Variants in MYH11 observed in about 807,000 individuals in gnomAD.
MYH11 encodes myosin heavy chain 11, also known as myosin-11.
A neutral mutation model predicts 246.6 loss-of-function variants in MYH11; 80 were observed. That is an observed-to-expected ratio of 0.32 (90% CI 0.27 to 0.39). The LOEUF (loss-of-function observed/expected upper bound fraction) is 0.39. MYH11 is among the 10% of genes least tolerant of loss of function. The probability of loss-of-function intolerance (pLI) is 1.00; values close to 1 mark genes in which losing one functional copy is unlikely to be tolerated. For missense variants in MYH11, 2,158 were observed against 2,546.8 expected (o/e 0.85, Z 3.29); for synonymous variants, 1,071 against 1,015.5 (o/e 1.05, Z -1.04).
chr16:15,787,118 A>T (rs1260852297), intron 4 of MYH11, among the ~76,000 whole-genome samples: 3 of 151,634 alleles, frequency 2.0e-5, no homozygotes, highest in Non-Finnish European at 4.4e-5. Flanking sequence ...AAAAAGATTT[A>T]AAAATTAGCC....
At chr16:15,749,171 A>G (rs1182355137) in intron 16 of MYH11, 1 of 141,380 alleles carries the variant, frequency 7.1e-6, no homozygotes, top group Non-Finnish European at 1.5e-5. Flanking sequence ...TTTTTTTAAG[A>G]TGGAGTCTCG....
rs200289373 is a variant in MYH11, at chr16:15,737,460, C to A, written c.3282G>T (p.Ala1094=). The change falls in exon 25 of 41, where the codon GCG becomes GCT. Residue 1094 remains alanine (A), a synonymous_variant. Coordinates refer to ENST00000300036, the MANE Select transcript of MYH11 (RefSeq NM_002474.3). ...QLAKKEEELQ[A]ALARLDDEIA... ...GCCAGCCCCGCTACCTGGCCAGGGC[C>A]GCCTGCAGCTCCTCCTCCTTCTTGG... 2 of 1,612,858 alleles carry A rather than the reference C, an allele frequency of 1.2e-6. No homozygotes were observed. The highest frequency in any genetic ancestry group is 1.7e-6 in the Non-Finnish European group (2 of 1,180,030).
chr16:15,705,983 T>TAAAAAAAAAA (rs1487522901), intron 40 of MYH11, among the ~76,000 whole-genome samples: 1 of 8,908 alleles, frequency 1.1e-4, no homozygotes, highest in Admixed American at 1.2e-3. Flanking sequence ...AGACTCCGTC[T>TAAAAAAAAAA]CAAAAAAAAA....
chr16:15,845,093 G>A (rs192479188), intron 1 of MYH11, among the ~76,000 whole-genome samples: 9 of 152,196 alleles, frequency 5.9e-5, no homozygotes, highest in Admixed American at 3.3e-4. Flanking sequence ...GGTGACTTAC[G>A]TAGATCTGAG....
chr16:15,817,526 G>A (rs548437951), intron 3 of MYH11, among the ~76,000 whole-genome samples: 2 of 151,980 alleles, frequency 1.3e-5, no homozygotes, highest in Non-Finnish European at 2.9e-5. Flanking sequence ...AAAAGGGGGG[G>A]AGAATTTAAA....
intron 3 of MYH11, among the ~76,000 whole-genome samples, chr16:15,818,204 T>G (rs1430772609): frequency 1.3e-5 from 2 of 152,210 alleles, no homozygotes; most frequent in Non-Finnish European, 2.9e-5. Flanking sequence ...AAGCCACATG[T>G]GCTAGCTTTC....
chr16:15,847,469 G>A (rs2044224956), intron 1 of MYH11, among the ~76,000 whole-genome samples: 1 of 152,014 alleles, frequency 6.6e-6, no homozygotes, highest in South Asian at 2.1e-4. Flanking sequence ...CCAGGCTGAG[G>A]TCTTGAACTC....
chr16:15,756,634 C>G (rs1375508202), intron 13 of MYH11, 120 bp from the exon 14 acceptor site: 2 of 1,041,568 alleles, frequency 1.9e-6, no homozygotes, highest in African/African-American at 1.6e-5. Context: ...TGTATTTGCC[C>G]ACATATAAAG....
intron 4 of MYH11, among the ~76,000 whole-genome samples, chr16:15,794,658 G>A (rs967806365): frequency 6.6e-6 from 1 of 152,204 alleles, no homozygotes; most frequent in African/African-American, 2.4e-5. Context: ...TGAGAAGATC[G>A]AGGGGAAGGG....
chr16:15,724,870 A>T lies in MYH11; in HGVS notation c.3963+18T>A. 1 of 1,613,862 alleles carries T rather than the reference A, an allele frequency of 6.2e-7. No homozygotes were observed. On this transcript the variant is annotated intron_variant, in intron 29 of 40. Transcript: ENST00000300036. ...GGCCACCCCCCAGGTCCCCTGGATG[A>T]TGTGGCAGGACACTCACCTGGGTGT...
At chr16:15,831,464 GGTGTGTGTGTGTGTGT>G (rs59352444) in intron 2 of MYH11, among the ~76,000 whole-genome samples, 5 of 145,690 alleles carry the variant, frequency 3.4e-5, no homozygotes, top group South Asian at 4.4e-4. Context: ...TTATGTTTGG[GGTGTGTGTGTGTGTGT>G]GTGTGTGTGT....
intron 7 of MYH11, among the ~76,000 whole-genome samples, chr16:15,778,170 C>A (rs1397903682): frequency 6.6e-6 from 1 of 152,208 alleles, no homozygotes; most frequent in Non-Finnish European, 1.5e-5. Flanking sequence ...CTTGGCTCCA[C>A]TTCACCGCTC....
chr16:15,801,475 G>A (rs777863057), intron 3 of MYH11, among the ~76,000 whole-genome samples: 1 of 151,708 alleles, frequency 6.6e-6, no homozygotes, highest in Non-Finnish European at 1.5e-5. Flanking sequence ...GGACAACATA[G>A]CAAGACCCAG....
chr16:15,852,216 A>C (rs773836592), intron 1 of MYH11, among the ~76,000 whole-genome samples: 27 of 152,120 alleles, frequency 1.8e-4, no homozygotes, highest in Non-Finnish European at 3.4e-4. Context: ...GTTTCATCCC[A>C]AAACCATCCT....
Position 15,704,091 on chromosome 16 carries a change from C to T in MYH11, c.5819G>A (p.Arg1940Lys). 6.2e-7 allele frequency: 1 copy of T among 1,614,084 alleles called. No individual in the cohort carries two copies. The highest frequency in any genetic ancestry group is 1.1e-5 in the South Asian group (1 of 91,072). ...AATAACTCTACGTCCTCCAGACCTT[C>T]TAGAAGGAACGAAAGAGGTCTCGTT... ...RGNETSFVPSRRSGGRRVIEN... is the reference protein window; with the variant it reads ...RGNETSFVPSKRSGGRRVIEN... The change falls in exon 41 of 41, where the codon AGA (arginine) becomes AAA (lysine). Residue 1940 changes from arginine to lysine, a missense_variant. Physicochemically the swap from Arg to Lys is conservative, Grantham distance 26. Transcript: ENST00000300036.
At chr16:15,835,388 T>G (rs896842799) in intron 2 of MYH11, among the ~76,000 whole-genome samples, 2 of 152,220 alleles carry the variant, frequency 1.3e-5, no homozygotes, top group Admixed American at 6.5e-5. Context: ...ACCGCATCTC[T>G]GGTTAAGGAC....
chr16:15,779,033 G>C (rs1056065607), intron 6 of MYH11, 190 bp from the exon 7 acceptor site: 1 of 680,822 alleles, frequency 1.5e-6, no homozygotes, highest in Admixed American at 2.0e-5. Context: ...ACCACCCCAG[G>C]CCTGACAGCA....
At chr16:15,733,821 G>A (rs150847155) in intron 26 of MYH11, among the ~76,000 whole-genome samples, 3,147 of 152,304 alleles carry the variant, frequency 0.021, 114 homozygotes, top group African/African-American at 0.073. Context: ...GGGATTACAG[G>A]CATGAGCCAC....
intron 9 of MYH11, among the ~76,000 whole-genome samples, chr16:15,764,492 A>C (rs1011851604): frequency 5.9e-5 from 9 of 152,076 alleles, no homozygotes; most frequent in African/African-American, 1.2e-4. Flanking sequence ...CAAAAAAAAA[A>C]CCCTGACATA....
Sources: gnomAD v4.1 joint callset for allele counts (sites outside exome capture counted in the v4.1 genomes callset) on GRCh38, gnomAD v4.1.1 for gene constraint, MANE v1.5 for transcripts, NCBI Gene and HGNC (gene_info 2026-07-23, HGNC 2026-07-21) for gene names.